DCHS1: variants seen among roughly 807,000 people sequenced by gnomAD.
DCHS1 encodes protocadherin-16.
A neutral mutation model predicts 213.9 loss-of-function variants in DCHS1; 78 were observed. That is an observed-to-expected ratio of 0.36 (90% confidence interval 0.30 to 0.44). DCHS1 has a LOEUF of 0.44. DCHS1 is among the 20% of genes least tolerant of loss of function. The pLI, the probability that DCHS1 is intolerant of heterozygous loss-of-function variation, is 1.00. For missense variants in DCHS1, 3,946 were observed against 4,395.9 expected, an observed-to-expected ratio of 0.90 and a Z score of 2.89; for synonymous variants, 1,828 against 1,873.7, an observed-to-expected ratio of 0.98 and a Z score of 0.63.
At chr11:6,647,935 G>A (rs758882638) in intron 1 of DCHS1, among the ~76,000 whole-genome samples, 2 of 152,194 alleles carry the variant, frequency 1.3e-5, no homozygotes, top group Non-Finnish European at 2.9e-5. Context: ...CATGAAAGAT[G>A]TGAGGAGGTG....
chr11:6,633,103 A>T (rs1855937559), intron 5 of DCHS1, 47 bp from the exon 6 acceptor site: 1 of 1,555,138 alleles, frequency 6.4e-7, no homozygotes, highest in Non-Finnish European at 8.7e-7. Flanking sequence ...AGGGGCACTT[A>T]TTGAGTCAGG....
Position 6,629,400 on chromosome 11 carries a change from A to T in DCHS1, c.5161+52T>A, listed in dbSNP as rs1690039736. The T allele has an allele frequency of 3.1e-6, 5 of 1,599,290 alleles. 1 individual carries two copies. The highest frequency in any genetic ancestry group is 1.7e-4 in the Middle Eastern group (1 of 6,022). The stretch of plus-strand genomic sequence containing the variant: ...ACTTTGGGTATTCTATCCAGGTAAC[A>T]CTGGTGTTTACAACACCTCACTCAG... On this transcript the variant is annotated intron_variant, in intron 12 of 20. Coordinates refer to ENST00000299441, the MANE Select transcript of DCHS1 (RefSeq NM_003737.4).
In DCHS1 at chr11:6,630,459, C is replaced by T; in HGVS notation, c.4335G>A (p.Leu1445=). The change falls in exon 10 of 21, where the codon CTG becomes CTA. Residue 1445 remains leucine, a synonymous_variant. Transcript: ENST00000299441. ...AFARDPLALA[L]PENPEPGAAL... ...CTGCGCCGGGCTCCGGGTTCTCTGG[C>T]AGCGCCAGCGCCAGCGGGTCGCGCG... The T allele has an allele frequency of 6.6e-7, 1 of 1,517,718 alleles. No individual in the cohort carries two copies. Among genetic ancestry groups the T allele is most frequent in the African/African-American group, 1.4e-5 (1 of 69,944 alleles). 94.0% of individuals were successfully genotyped at this position (1,517,718 alleles called of 1,614,324 possible). A position where few individuals can be genotyped will look rare whatever the true frequency, so the allele number is the denominator to read the frequency against.
Position 6,641,847 on chromosome 11 carries a change from G to A in DCHS1, c.-120-114C>T, listed in dbSNP as rs749871165. The A allele has an allele frequency of 7.5e-5, 69 of 922,936 alleles. No homozygotes were observed. Among genetic ancestry groups the A allele is most frequent in the Non-Finnish European group, 1.0e-4 (65 of 642,288 alleles). 57.2% of individuals were successfully genotyped at this position (922,936 alleles called of 1,614,324 possible). ...TGCTCAGCCCCCAGCAGGCCCTTGT[G>A]CTGCCTCACACTCATCTTGGGCCAC... On this transcript the variant is annotated intron_variant, in intron 1 of 20. Coordinates refer to ENST00000299441, the MANE Select transcript of DCHS1 (RefSeq NM_003737.4). The surrounding 1 kb of genome is among the most constrained non-coding windows in gnomAD (Gnocchi z 7.1).
Position 6,626,345 on chromosome 11 carries a change from A to C in DCHS1, c.6400T>G (p.Phe2134Val). 1 of 1,613,654 alleles carries C rather than the reference A, an allele frequency of 6.2e-7. No homozygotes were observed. Among genetic ancestry groups the C allele is most frequent in the Non-Finnish European group, 8.5e-7 (1 of 1,179,750 alleles). ...ITVRSAEGLD[F>V]EVSPRLRLVL... ...AGTCGCAGCCGTGGACTCACCTCGA[A>C]GTCTAGCCCCTCTGCTGAGCGAACT... Residue 2134 changes from phenylalanine to valine, a missense_variant, in exon 16 of 21, where the codon TTC (phenylalanine) becomes GTC (valine). Transcript: ENST00000299441. The surrounding 1 kb of genome is among the most constrained non-coding windows in gnomAD (Gnocchi z 5.2).
In DCHS1 at chr11:6,640,444, C is replaced by T. The variant is rs868487932; in HGVS notation, c.1170G>A (p.Val390=). The T allele has an allele frequency of 1.2e-6, 2 of 1,613,814 alleles. No homozygotes were observed. The highest frequency in any genetic ancestry group is 3.3e-5 in the Admixed American group (2 of 60,006). ...PPGQLVARIS[V]SDPDDGDFAH... is the part of the protein sequence containing the mutation. Reference sequence around the variant, plus strand: ...CAAAGTCACCATCATCTGGGTCTGACACAGAGATGCGAGCAACGAGCTGTC... The same window carrying T: ...CAAAGTCACCATCATCTGGGTCTGATACAGAGATGCGAGCAACGAGCTGTC... Residue 390 remains valine, a synonymous_variant, in exon 2 of 21, where the codon GTG becomes GTA. Transcript: ENST00000299441. The surrounding 1 kb of genome is among the most constrained non-coding windows in gnomAD (Gnocchi z 6.5).
chr11:6,629,046 G>A (rs1855858518), intron 12 of DCHS1, among the ~76,000 whole-genome samples: 2 of 152,168 alleles, frequency 1.3e-5, no homozygotes, highest in Admixed American at 6.5e-5. Context: ...GACTAGTGGT[G>A]GTGTAACAGG....
rs1855930921 is a variant in DCHS1, at chr11:6,632,695, T to A, written c.2817A>T (p.Gly939=). The A allele has an allele frequency of 1.9e-6, 3 of 1,588,292 alleles. No individual in the cohort carries two copies. Among genetic ancestry groups the A allele is most frequent in the South Asian group, 1.1e-5 (1 of 87,728 alleles). Residue 939 remains glycine (G), a synonymous_variant, in exon 6 of 21, where the codon GGA becomes GGT. Coordinates refer to ENST00000299441, the MANE Select transcript of DCHS1 (RefSeq NM_003737.4). The surrounding 1 kb of genome is among the most constrained non-coding windows in gnomAD (Gnocchi z 5.9). The part of the protein sequence containing the change: ...VTFTLLAGGG[G]AFTVDPTTGH... ...CTGTGGTGGGGTCCACGGTGAAGGCTCCACCACCCCCAGCAAGCAGGGTAA... is the reference window on the plus strand; with the variant it reads ...CTGTGGTGGGGTCCACGGTGAAGGCACCACCACCCCCAGCAAGCAGGGTAA...
In DCHS1 at chr11:6,645,966, C is replaced by A. The variant is rs149687366; in HGVS notation, c.-120-4233G>T. Among the ~76,000 whole-genome samples the A allele has an allele frequency of 1.7e-3, 253 of 152,262 alleles. 2 individuals carry two copies. The highest frequency in any genetic ancestry group is 5.6e-3 in the African/African-American group (233 of 41,520). Reference sequence around the variant, plus strand: ...ACACAGAGACCCTTTCACATATATACACAGAAGCACATTTTCCACACAGAT... The same window carrying A: ...ACACAGAGACCCTTTCACATATATAAACAGAAGCACATTTTCCACACAGAT... On this transcript the variant is annotated intron_variant, in intron 1 of 20. Coordinates refer to ENST00000299441, the MANE Select transcript of DCHS1 (RefSeq NM_003737.4).
At chr11:6,649,603 G>A (rs1354570994) in intron 1 of DCHS1, among the ~76,000 whole-genome samples, 2 of 152,120 alleles carry the variant, frequency 1.3e-5, no homozygotes, top group Non-Finnish European at 1.5e-5. Context: ...CTTACCATGT[G>A]CCAAATGCCA....
chr11:6,631,938 G>A lies in DCHS1; in HGVS notation c.3481+93C>T, dbSNP rs147991846. ...GGGCTAAATCCTCATTCTCAGGGGC[G>A]AGATGGGAGCTGGGGGTTGGGGATC... On this transcript the variant is annotated intron_variant, in intron 6 of 20. Coordinates refer to ENST00000299441, the MANE Select transcript of DCHS1 (RefSeq NM_003737.4). The A allele has an allele frequency of 1.1e-3, 1,658 of 1,450,316 alleles. 20 individuals are homozygous for A. The African/African-American group carries it at 0.02, about 17-fold the overall frequency. 89.8% of individuals were successfully genotyped at this position (1,450,316 alleles called of 1,614,324 possible). A position where few individuals can be genotyped will look rare whatever the true frequency, so the allele number is the denominator to read the frequency against.
chr11:6,625,270 G>A lies in DCHS1; in HGVS notation c.7074C>T (p.Gly2358=). The A allele has an allele frequency of 6.2e-7, 1 of 1,613,660 alleles. No individual in the cohort carries two copies. The highest frequency in any genetic ancestry group is 8.5e-7 in the Non-Finnish European group (1 of 1,179,758). The stretch of plus-strand genomic sequence containing the variant: ...CCACAAGCACTGTGAGGTTGGCACG[G>A]CCCTCATGAGGCCCATCATGTGCCA... ...QLLAHDGPHE[G]RANLTVLVED... is the part of the protein sequence containing the mutation. Residue 2358 remains glycine (G), a synonymous_variant, in exon 19 of 21, where the codon GGC becomes GGT. Coordinates refer to ENST00000299441, the MANE Select transcript of DCHS1 (RefSeq NM_003737.4). This position sits in a 1 kb window ranked among gnomAD's most constrained non-coding sequence, Gnocchi z 5.3.
Position 6,640,468 on chromosome 11 carries a change from T to C in DCHS1, c.1146A>G (p.Gly382=). Residue 382 remains glycine (G), a synonymous_variant, in exon 2 of 21, where the codon GGA becomes GGG. Coordinates refer to ENST00000299441, the MANE Select transcript of DCHS1 (RefSeq NM_003737.4). The surrounding 1 kb of genome is among the most constrained non-coding windows in gnomAD (Gnocchi z 6.5). The part of the protein sequence containing the change: ...SPQVSEAAPP[G]QLVARISVSD... The stretch of plus-strand genomic sequence containing the variant: ...ACACAGAGATGCGAGCAACGAGCTG[T>C]CCAGGTGGGGCGGCCTCAGACACTT... 2 of 1,613,718 alleles carry C rather than the reference T, an allele frequency of 1.2e-6. No homozygotes were observed. Among genetic ancestry groups the C allele is most frequent in the East Asian group, 4.5e-5 (2 of 44,884 alleles).
At chr11:6,648,838 T>TTA (rs1486402877) in intron 1 of DCHS1, among the ~76,000 whole-genome samples, 1 of 152,182 alleles carries the variant, frequency 6.6e-6, no homozygotes, top group East Asian at 1.9e-4. Flanking sequence ...ATAGTAAGCT[T>TTA]TATAAGTATG....
intron 1 of DCHS1, among the ~76,000 whole-genome samples, chr11:6,644,015 C>T (rs1367692124): frequency 6.6e-6 from 1 of 152,214 alleles, no homozygotes; most frequent in African/African-American, 2.4e-5. Flanking sequence ...CAAATTGCCA[C>T]ATCCCAGTCC....
chr11:6,624,221 T>A lies in DCHS1; in HGVS notation c.7455A>T (p.Ser2485=). The A allele has an allele frequency of 1.2e-6, 2 of 1,613,294 alleles. No individual in the cohort carries two copies. The highest frequency in any genetic ancestry group is 1.7e-6 in the Non-Finnish European group (2 of 1,179,726). ...CTTCAGTCACAGCCACACGGTAGTG[T>A]GACAATGTGAAGCTCGGGGCGTGGT... is the stretch of plus-strand genomic sequence containing the variant. ...QNDHAPSFTL[S]HYRVAVTEDL... Residue 2485 remains serine (S), a synonymous_variant, in exon 21 of 21, where the codon TCA becomes TCT. Coordinates refer to ENST00000299441, the MANE Select transcript of DCHS1 (RefSeq NM_003737.4).
intron 1 of DCHS1, among the ~76,000 whole-genome samples, chr11:6,655,315 C>T (rs1284222704): frequency 6.6e-6 from 1 of 152,078 alleles, no homozygotes; most frequent in African/African-American, 2.4e-5. Flanking sequence ...TGTCGCACCC[C>T]ACACCCCCGG....
At chr11:6,630,917 A>G in intron 9 of DCHS1, 54 bp from the exon 10 acceptor site, 1 of 1,493,970 alleles carries the variant, frequency 6.7e-7, no homozygotes, top group Non-Finnish European at 8.9e-7. Flanking sequence ...GTAAAAGGGG[A>G]TCTGGGCTGG....
chr11:6,629,844 G>A lies in DCHS1; in HGVS notation c.4863C>T (p.Ala1621=), dbSNP rs1464179377. ...AGCGCGGCGGGGAGCCGTGGTCTGA[G>A]GCCACCACTGTCAGTACGTGCTCAG... ...QRAEHVLTVV[A]SDHGSPPRSA... The change falls in exon 11 of 21, where the codon GCC becomes GCT. Residue 1621 remains alanine, a synonymous_variant. Transcript: ENST00000299441. 3 of 1,613,044 alleles carry A rather than the reference G, an allele frequency of 1.9e-6. No homozygotes were observed. The highest frequency in any genetic ancestry group is 2.5e-6 in the Non-Finnish European group (3 of 1,179,888).
Sources: gnomAD v4.1 joint callset for allele counts (sites outside exome capture counted in the v4.1 genomes callset) on GRCh38, gnomAD v4.1.1 for gene constraint, Gnocchi (gnomAD v3.1) non-coding constraint, MANE v1.5 for transcripts, NCBI Gene and HGNC (gene_info 2026-07-23, HGNC 2026-07-21) for gene names.